EXOC6B: variants seen among roughly 807,000 people sequenced by gnomAD.
The protein encoded by EXOC6B is SEC15 homolog B.
Under a neutral mutation model 113.5 loss-of-function variants are expected in EXOC6B, and 54 were observed. The ratio of observed to expected loss-of-function variants is 0.48; its 90% confidence interval spans 0.38 to 0.60. EXOC6B has a LOEUF of 0.60. EXOC6B is among the 20% of genes least tolerant of loss of function. The pLI is 0.00. For synonymous variants in EXOC6B, 357 were observed against 339.0 expected (o/e 1.05, Z -0.58); for missense variants, 797 against 977.5 (o/e 0.82, Z 2.46).
chr2:72,284,365 A>C (rs1327416541), intron 20 of EXOC6B, among the ~76,000 whole-genome samples: 2 of 152,136 alleles, frequency 1.3e-5, no homozygotes, highest in African/African-American at 4.8e-5. Flanking sequence ...TGGGCTAAGA[A>C]AGAAAAATTA....
intron 6 of EXOC6B, among the ~76,000 whole-genome samples, chr2:72,663,628 T>C (rs988585827): frequency 2.0e-5 from 3 of 152,080 alleles, no homozygotes; most frequent in Non-Finnish European, 4.4e-5. Flanking sequence ...TGATTCCAAA[T>C]GTATTACATT....
At chr2:72,444,090 C>A (rs1448446696) in intron 18 of EXOC6B, among the ~76,000 whole-genome samples, 1 of 152,176 alleles carries the variant, frequency 6.6e-6, no homozygotes, top group Non-Finnish European at 1.5e-5. Context: ...TTCCTAGATA[C>A]AATGGGGGTA....
intron 6 of EXOC6B, among the ~76,000 whole-genome samples, chr2:72,589,829 T>TG (rs753659325): frequency 6.7e-5 from 10 of 149,318 alleles, no homozygotes; most frequent in Non-Finnish European, 8.9e-5. Context: ...TGGCATTGAA[T>TG]GGAAAAAAAA....
At chr2:72,652,263 G>A (rs984550928) in intron 6 of EXOC6B, among the ~76,000 whole-genome samples, 10 of 151,674 alleles carry the variant, frequency 6.6e-5, no homozygotes, top group Admixed American at 4.6e-4. Context: ...AAAGAGAAAG[G>A]AGGCCAAAAA....
In EXOC6B at chr2:72,539,904, G is replaced by A. The variant is rs541081443; in HGVS notation, c.915+19549C>T. Among the ~76,000 whole-genome samples the A allele has an allele frequency of 7.3e-4, 110 of 150,408 alleles. 3 individuals are homozygous for A. In the South Asian group the frequency reaches 0.02, roughly 27 times the overall value. On this transcript the variant is annotated intron_variant, in intron 8 of 21. Transcript: ENST00000272427. ...GCTGGTGTGCTGCACCCATTAACTC[G>A]TCATTTAGCATTAGGTATATCTCCT... is the stretch of plus-strand genomic sequence containing the variant.
At chr2:72,744,359 G>A (rs1015790002) in intron 1 of EXOC6B, among the ~76,000 whole-genome samples, 1 of 152,154 alleles carries the variant, frequency 6.6e-6, no homozygotes, top group Admixed American at 6.5e-5. Flanking sequence ...TTGAAATAAA[G>A]GGAGATTGTC....
chr2:72,689,763 A>G (rs1001658388), intron 6 of EXOC6B, among the ~76,000 whole-genome samples: 5 of 152,294 alleles, frequency 3.3e-5, no homozygotes, highest in Admixed American at 6.5e-5. Context: ...GAGTTTGCCA[A>G]CTTTCCCATG....
At chr2:72,631,788 G>A (rs1054878245) in intron 6 of EXOC6B, among the ~76,000 whole-genome samples, 3 of 152,004 alleles carry the variant, frequency 2.0e-5, no homozygotes, top group Admixed American at 1.3e-4. Flanking sequence ...ACAAGCATGA[G>A]CCACCACGCC....
At chr2:72,196,749 GTTACTTCCTTT>G (rs1461600389) in intron 20 of EXOC6B, among the ~76,000 whole-genome samples, 1 of 152,080 alleles carries the variant, frequency 6.6e-6, no homozygotes, top group Non-Finnish European at 1.5e-5. Context: ...TGGTATATTT[GTTACTTCCTTT>G]GTCATTAAGT....
chr2:72,641,287 C>T (rs1051748417), intron 6 of EXOC6B, among the ~76,000 whole-genome samples: 1 of 152,208 alleles, frequency 6.6e-6, no homozygotes, highest in African/African-American at 2.4e-5. Flanking sequence ...CACAAGGGGT[C>T]AGGGGATTTC....
chr2:72,553,690 A>C (rs541910270), intron 8 of EXOC6B, among the ~76,000 whole-genome samples: 4 of 152,238 alleles, frequency 2.6e-5, no homozygotes, highest in African/African-American at 9.6e-5. Flanking sequence ...TGAATTCATC[A>C]TATGGAAAAA....
At chr2:72,279,183 C>T (rs570074530) in intron 20 of EXOC6B, among the ~76,000 whole-genome samples, 1 of 152,306 alleles carries the variant, frequency 6.6e-6, no homozygotes, top group East Asian at 1.9e-4. Context: ...CTCTCTTCCT[C>T]TTTAGTATTT....
At chr2:72,619,884 A>C (rs765454290) in intron 6 of EXOC6B, among the ~76,000 whole-genome samples, 4 of 152,168 alleles carry the variant, frequency 2.6e-5, no homozygotes, top group African/African-American at 9.7e-5. Context: ...AGAGCCTGGG[A>C]GCTTCTGTGT....
chr2:72,492,520 T>C, intron 15 of EXOC6B, 91 bp from the exon 16 acceptor site: 1 of 685,110 alleles, frequency 1.5e-6, no homozygotes. Context: ...GTAATAATAA[T>C]AAAATAATAA....
chr2:72,366,135 T>C (rs1019792972), intron 19 of EXOC6B, among the ~76,000 whole-genome samples: 5 of 151,552 alleles, frequency 3.3e-5, no homozygotes, highest in Non-Finnish European at 7.4e-5. Context: ...ACCTGGAAAA[T>C]ATACGCATGA....
At chr2:72,672,527 A>C (rs1675967504) in intron 6 of EXOC6B, among the ~76,000 whole-genome samples, 1 of 126,184 alleles carries the variant, frequency 7.9e-6, no homozygotes, top group Admixed American at 9.3e-5. Flanking sequence ...AGCCTGGGGG[A>C]CAGAGCGAGA....
At position 72,556,708 on chromosome 2, in the gene EXOC6B, T is replaced by C. The variant is rs1049479989; in HGVS notation, c.915+2745A>G. Among the ~76,000 whole-genome samples the C allele has an allele frequency of 2.0e-5, 3 of 151,976 alleles. No homozygotes were observed. In the South Asian group the frequency reaches 6.2e-4, roughly 32 times the overall value. ...CTAAATGGTAAAATATTAAATGTAG[T>C]ATAAAGTAAATACTCTGTGACAGCA... is the stretch of plus-strand genomic sequence containing the variant. On this transcript the variant is annotated intron_variant, in intron 8 of 21. Coordinates refer to ENST00000272427, the MANE Select transcript of EXOC6B (RefSeq NM_015189.3).
intron 20 of EXOC6B, among the ~76,000 whole-genome samples, chr2:72,218,608 C>T (rs918910218): frequency 1.3e-5 from 2 of 152,100 alleles, no homozygotes; most frequent in Non-Finnish European, 2.9e-5. Flanking sequence ...TCCCTCATTG[C>T]TTGCTCCAGT....
chr2:72,214,304 G>T (rs1289258199), intron 20 of EXOC6B, among the ~76,000 whole-genome samples: 1 of 133,538 alleles, frequency 7.5e-6, no homozygotes, highest in Non-Finnish European at 1.7e-5. Flanking sequence ...TGGCTAACAT[G>T]GTGAAACCCC....
Sources: allele counts gnomAD v4.1 joint callset (sites outside exome capture counted in the v4.1 genomes callset), GRCh38; gene constraint gnomAD v4.1.1; transcripts MANE v1.5; gene names NCBI Gene and HGNC (gene_info 2026-07-23, HGNC 2026-07-21).